The following ATP5MJ variants were observed in gnomAD, a reference collection of about 807,000 sequenced individuals.
ATP5MJ encodes ATP synthase membrane subunit j.
Under a neutral mutation model 8.3 loss-of-function variants are expected in ATP5MJ, and 4 were observed. The observed-to-expected ratio is 0.48, with a 90% CI of 0.24 to 1.11. The LOEUF (loss-of-function observed/expected upper bound fraction) is 1.11. ATP5MJ is among the 50% of genes least tolerant of loss of function. The pLI is 0.18. For synonymous variants in ATP5MJ, 23 were observed against 21.3 expected, an observed-to-expected ratio of 1.08 and a Z score of -0.23; for missense variants, 66 against 71.8, an observed-to-expected ratio of 0.92 and a Z score of 0.29.
Position 103,914,837 on chromosome 14 carries a change from C to CAAAAAGGA in ATP5MJ, c.124+228_124+229insTCCTTTTT, listed in dbSNP as rs370479683. The CAAAAAGGA allele has an allele frequency of 8.4e-5, 16 of 191,092 alleles. 1 individual carries two copies. The highest frequency in any genetic ancestry group is 7.9e-4 in the African/African-American group (13 of 16,372). The allele number at this position is 191,092 out of a possible 1,614,324, so 11.8% of individuals were successfully genotyped here. Reference sequence around the variant, plus strand: ...GGGCGTCAGAGTGAGAGACTGTCTCCAAAAAAAAAAAAAAAAAAAAGAAAA... The same window carrying CAAAAAGGA: ...GGGCGTCAGAGTGAGAGACTGTCTCCAAAAAGGAAAAAAAAAAAAAAAAAAAAAGAAAA... On this transcript the variant is annotated intron_variant, in intron 2 of 3. Coordinates refer to ENST00000286953, the MANE Select transcript of ATP5MJ (RefSeq NM_004894.3).
chr14:103,914,837 CAAAAAAAAAAAAAA>C (rs35916279), intron 2 of ATP5MJ: 1 of 165,910 alleles, frequency 6.0e-6, no homozygotes, highest in Non-Finnish European at 9.7e-6. Context: ...AGACTGTCTC[CAAAAAAAAAAAAAA>C]AAAAAAGAAA....
At chr14:103,914,858 G>GAAAA (rs1314714313) in intron 2 of ATP5MJ, 5 of 329,550 alleles carry the variant, frequency 1.5e-5, no homozygotes, top group African/African-American at 3.1e-5. Flanking sequence ...AAAAAAAAAA[G>GAAAA]AAAAGAAAAG....
At chr14:103,921,229 T>C in intron 1 of ATP5MJ, 1 of 577,322 alleles carries the variant, frequency 1.7e-6, no homozygotes, top group Non-Finnish European at 3.1e-6. Context: ...CGTGGGAGAA[T>C]TCAGGTGCAC....
At chr14:103,918,026 C>T (rs2087639388) in intron 1 of ATP5MJ, 1 of 152,130 alleles carries the variant, frequency 6.6e-6, no homozygotes, top group Non-Finnish European at 1.5e-5. Context: ...CGACTGTGTC[C>T]TTCTCCTGGA....
chr14:103,915,250 A>G (rs537363863), intron 1 of ATP5MJ, 61 bp from the exon 2 acceptor site: 2 of 1,579,940 alleles, frequency 1.3e-6, no homozygotes, highest in African/African-American at 2.7e-5. Flanking sequence ...TAACTGGTAA[A>G]AGATTTTAAT....
chr14:103,914,194 T>C (rs565105771), intron 2 of ATP5MJ: 1 of 592,246 alleles, frequency 1.7e-6, no homozygotes, highest in Admixed American at 3.2e-5. Context: ...CAGGGCTCCT[T>C]ACCTTCTACA....
chr14:103,919,222 A>C (rs913354372), intron 1 of ATP5MJ, among the ~76,000 whole-genome samples: 1 of 150,962 alleles, frequency 6.6e-6, no homozygotes, highest in Non-Finnish European at 1.5e-5. Flanking sequence ...CTCTACTAAA[A>C]ATACAAAAAC....
At chr14:103,917,597 C>G (rs982972191) in intron 1 of ATP5MJ, among the ~76,000 whole-genome samples, 1 of 152,134 alleles carries the variant, frequency 6.6e-6, no homozygotes, top group Non-Finnish European at 1.5e-5. Context: ...ATTCCTCCCC[C>G]ACCGTGGGAG....
intron 3 of ATP5MJ, 110 bp downstream of exon 3, chr14:103,913,851 T>C (rs2087601418): frequency 4.7e-6 from 6 of 1,285,538 alleles, no homozygotes; most frequent in South Asian, 1.3e-5. Context: ...GCACCTTACA[T>C]ATATACTGAA....
At chr14:103,919,930 G>A (rs1279996409) in intron 1 of ATP5MJ, among the ~76,000 whole-genome samples, 1 of 151,682 alleles carries the variant, frequency 6.6e-6, no homozygotes, top group Non-Finnish European at 1.5e-5. Flanking sequence ...GGGTGCAAGC[G>A]ATTCTCCTGC....
intron 1 of ATP5MJ, chr14:103,920,879 T>C (rs2087671696): frequency 8.6e-7 from 1 of 1,164,140 alleles, no homozygotes; most frequent in Admixed American, 2.0e-5. Context: ...CAAACGTGTG[T>C]CTACTGTATC....
intron 1 of ATP5MJ, among the ~76,000 whole-genome samples, chr14:103,916,400 G>A (rs1439908407): frequency 6.6e-6 from 1 of 152,128 alleles, no homozygotes; most frequent in Non-Finnish European, 1.5e-5. Context: ...TCAAATAGCT[G>A]TCAGGAGTGA....
chr14:103,914,718 T>C (rs2087609185), intron 2 of ATP5MJ: 2 of 547,562 alleles, frequency 3.7e-6, no homozygotes, highest in East Asian at 3.0e-5. Flanking sequence ...TCCTAGCTAC[T>C]TGGCAGGCTG....
At chr14:103,912,784 T>A in intron 3 of ATP5MJ, 90 bp from the exon 4 acceptor site, 1 of 1,299,566 alleles carries the variant, frequency 7.7e-7, no homozygotes, top group South Asian at 1.2e-5. Context: ...AAGAAGTTGA[T>A]CAACAGTCCA....
rs759604495 is a variant in ATP5MJ at position 103,915,103 on chromosome 14, C to T, written c.87G>A (p.Gly29=). Residue 29 remains glycine, a synonymous_variant, in exon 2 of 4, where the codon GGG becomes GGA. Coordinates refer to ENST00000286953, the MANE Select transcript of ATP5MJ (RefSeq NM_004894.3). ...TTTTATAAACGATGAAGCCCATCAG[C>T]CCCATTCCTATCCAAATCTCCTGGT... ...KVYQEIWIGM[G]LMGFIVYKIR... is the part of the protein sequence containing the mutation. 1.5e-5 allele frequency: 24 copies of T among 1,613,948 alleles called. No individual in the cohort carries two copies. The highest frequency in any genetic ancestry group is 3.3e-5 in the Admixed American group (2 of 59,976).
At chr14:103,916,990 C>G (rs569206470) in intron 1 of ATP5MJ, among the ~76,000 whole-genome samples, 2 of 152,122 alleles carry the variant, frequency 1.3e-5, no homozygotes, top group African/African-American at 4.8e-5. Flanking sequence ...AAACCCGGAT[C>G]GTGTGGTCAT....
At chr14:103,914,697 G>A in intron 2 of ATP5MJ, 1 of 563,180 alleles carries the variant, frequency 1.8e-6, no homozygotes, top group Non-Finnish European at 3.1e-6. Context: ...CATAGTGACG[G>A]GCACCTGTGG....
At chr14:103,915,261 T>C (rs2087616150) in intron 1 of ATP5MJ, 72 bp from the exon 2 acceptor site, 1 of 1,560,574 alleles carries the variant, frequency 6.4e-7, no homozygotes. Context: ...AGATTTTAAT[T>C]TGTTAAGTTC....
chr14:103,919,532 TA>T (rs1282732512), intron 1 of ATP5MJ, among the ~76,000 whole-genome samples: 1 of 151,998 alleles, frequency 6.6e-6, no homozygotes, highest in East Asian at 1.9e-4. Context: ...TTAGGCCAGG[TA>T]GGGGCTTTGG....
Sources: allele counts gnomAD v4.1 joint callset (sites outside exome capture counted in the v4.1 genomes callset), GRCh38; gene constraint gnomAD v4.1.1; transcripts MANE v1.5; gene names NCBI Gene and HGNC (gene_info 2026-07-23, HGNC 2026-07-21).